Variants in OTOGL observed in about 807,000 individuals in gnomAD.
OTOGL encodes otogelin like.
OTOGL carries 285 observed loss-of-function variants against 318.5 expected under a neutral mutation model. The observed-to-expected ratio is 0.89, with a 90% CI of 0.81 to 0.99. The LOEUF is 0.99. OTOGL is among the 50% of genes least tolerant of loss of function. OTOGL has a pLI of 0.00. For synonymous variants in OTOGL, 987 were observed against 936.5 expected (o/e 1.05, Z -0.99); for missense variants, 2,899 against 2,845.6 (o/e 1.02, Z -0.43).
chr12:80,286,281 TCTA>T (rs1884613631), intron 26 of OTOGL, among the ~76,000 whole-genome samples: 1 of 152,202 alleles, frequency 6.6e-6, no homozygotes, highest in Non-Finnish European at 1.5e-5. Flanking sequence ...TTGCCAGTAT[TCTA>T]CTGAGGATTT....
At chr12:80,312,288 C>G (rs150530520) in intron 30 of OTOGL, among the ~76,000 whole-genome samples, 1 of 152,108 alleles carries the variant, frequency 6.6e-6, no homozygotes, top group South Asian at 2.1e-4. Context: ...GATGAAGAAG[C>G]AGATATGAGA....
rs79194729 is a variant in OTOGL at position 80,231,098 on chromosome 12, G to A, written c.611+1720G>A. 7.0e-3 allele frequency among the ~76,000 whole-genome samples: 1,065 copies of A among 152,102 alleles called. 17 individuals carry two copies. Among genetic ancestry groups the A allele is most frequent in the African/African-American group, 0.025 (1,019 of 41,500 alleles). On this transcript the variant is annotated intron_variant, in intron 8 of 58. Transcript: ENST00000547103. ...TGTCAAATGACCAAGCAAAAAATAC[G>A]CATAATAGTACAACTATACTTCCAT...
chr12:80,365,921 G>T (rs184650292), intron 52 of OTOGL, among the ~76,000 whole-genome samples: 8 of 152,208 alleles, frequency 5.3e-5, no homozygotes, highest in Admixed American at 1.3e-4. Context: ...GTATTTGGTG[G>T]GAAGAATCTT....
In OTOGL at chr12:80,296,534, T is replaced by C. The variant is rs557130756; in HGVS notation, c.2929-293T>C. On this transcript the variant is annotated intron_variant, in intron 26 of 58. Transcript: ENST00000547103. Reference sequence around the variant, plus strand: ...GACATATTGTTTTGTTGATTATTTATTGATAAATAAAATGATAATGGTTGG... The same window carrying C: ...GACATATTGTTTTGTTGATTATTTACTGATAAATAAAATGATAATGGTTGG... 1.5e-4 allele frequency among the ~76,000 whole-genome samples: 23 copies of C among 152,310 alleles called. No individual in the cohort carries two copies. The South Asian group carries it at 3.9e-3, about 26-fold the overall frequency.
At chr12:80,188,574 A>G (rs1051524840) in intron 1 of OTOGL, among the ~76,000 whole-genome samples, 2 of 150,798 alleles carry the variant, frequency 1.3e-5, no homozygotes, top group African/African-American at 2.4e-5. Flanking sequence ...AAATAAATAT[A>G]AAAAGGTGAG....
rs1185137165 is a variant in OTOGL, at chr12:80,209,019, A to G, written c.-19-394A>G. ...GGACAGTAATTATTTTATGAATAAA[A>G]TTCTAAAATGCAAAGATTAGATCAA... On this transcript the variant is annotated intron_variant, in intron 1 of 58. Coordinates refer to ENST00000547103, the MANE Select transcript of OTOGL (RefSeq NM_001378609.3). 2.0e-5 allele frequency among the ~76,000 whole-genome samples: 3 copies of G among 152,212 alleles called. No individual in the cohort carries two copies. The East Asian group carries it at 5.8e-4, about 29-fold the overall frequency.
chr12:80,318,092 T>C (rs1352740600), intron 32 of OTOGL, among the ~76,000 whole-genome samples: 1 of 152,254 alleles, frequency 6.6e-6, no homozygotes, highest in Admixed American at 6.5e-5. Context: ...CCTTCCCCTT[T>C]CCTAATTGGA....
At position 80,162,725 on chromosome 12, in the gene OTOGL, C is replaced by A. The variant is rs143663980; in HGVS notation, c.-19-46688C>A. The stretch of plus-strand genomic sequence containing the variant: ...ACAATCATATTGGATGAGGGCCCAC[C>A]CTCCTGGTCCCATTTTAATTTAATC... On this transcript the variant is annotated intron_variant, in intron 1 of 58. Transcript: ENST00000547103. 6.3e-3 allele frequency among the ~76,000 whole-genome samples: 956 copies of A among 152,134 alleles called. 15 individuals carry two copies. Among genetic ancestry groups the A allele is most frequent in the Non-Finnish European group, 6.0e-3 (410 of 67,984 alleles).
At chr12:80,323,373 G>A (rs1417008518) in intron 34 of OTOGL, among the ~76,000 whole-genome samples, 1 of 152,124 alleles carries the variant, frequency 6.6e-6, no homozygotes, top group Non-Finnish European at 1.5e-5. Context: ...TTTTGGCCAG[G>A]TGCAGTGGCT....
chr12:80,291,406 T>G (rs1885033577), intron 26 of OTOGL, among the ~76,000 whole-genome samples: 1 of 152,210 alleles, frequency 6.6e-6, no homozygotes, highest in South Asian at 2.1e-4. Context: ...TTGGCTTTGT[T>G]GTAACTTTTT....
At chr12:80,371,511 G>C (rs1056794703) in intron 56 of OTOGL, among the ~76,000 whole-genome samples, 2 of 151,964 alleles carry the variant, frequency 1.3e-5, no homozygotes, top group East Asian at 3.9e-4. Context: ...GCAGTTAGTA[G>C]GTTGCTAAAG....
At chr12:80,135,910 A>G (rs1336059574) in intron 1 of OTOGL, among the ~76,000 whole-genome samples, 1 of 152,198 alleles carries the variant, frequency 6.6e-6, no homozygotes, top group African/African-American at 2.4e-5. Flanking sequence ...TGGCCTTTGA[A>G]CTGGGACATT....
rs757774496 is a variant in OTOGL, at chr12:80,279,038, C to T, written c.2800C>T (p.Arg934Ter). ...ATPCYTCVCR[R>*]GMFNCTYYPC... is the part of the protein sequence containing the mutation. ...GTTATTTTTTAATAGCGTTTGTCGACGAGGAATGTTCAATTGCACATATTA... is the reference window on the plus strand; with the variant it reads ...GTTATTTTTTAATAGCGTTTGTCGATGAGGAATGTTCAATTGCACATATTA... The change falls in exon 26 of 59, where the codon CGA (arginine) becomes TGA (stop). Residue 934 changes from arginine (R) to a stop codon, truncating the protein, a stop_gained. Coordinates refer to ENST00000547103, the MANE Select transcript of OTOGL (RefSeq NM_001378609.3). LOFTEE classifies it high-confidence loss of function. 115 of 1,569,748 alleles carry T rather than the reference C, an allele frequency of 7.3e-5. No individual in the cohort carries two copies. Among genetic ancestry groups the T allele is most frequent in the Non-Finnish European group, 9.0e-5 (105 of 1,160,368 alleles).
intron 16 of OTOGL, 100 bp from the exon 17 acceptor site, chr12:80,256,222 GTTCTCTCCTCTCTCT>G (rs1001218666): frequency 8.3e-7 from 1 of 1,205,830 alleles, no homozygotes; most frequent in African/African-American, 1.5e-5. Context: ...TTTCTTTTTT[GTTCTCTCCTCTCTCT>G]TTCTCCCCTT....
intron 1 of OTOGL, among the ~76,000 whole-genome samples, chr12:80,134,518 C>T (rs1221874577): frequency 1.3e-5 from 2 of 152,164 alleles, no homozygotes; most frequent in African/African-American, 4.8e-5. Context: ...TGGTATCCTC[C>T]ACTCACAGTT....
At chr12:80,251,002 TTAG>T (rs1565929665) in intron 11 of OTOGL, among the ~76,000 whole-genome samples, 1 of 152,210 alleles carries the variant, frequency 6.6e-6, no homozygotes, top group Non-Finnish European at 1.5e-5. Flanking sequence ...ATAATTAGCT[TTAG>T]TAATTTAAAC....
rs531761273 is a variant in OTOGL, at chr12:80,149,885, T to C, written c.-20+50280T>C. 1.6e-4 allele frequency among the ~76,000 whole-genome samples: 25 copies of C among 152,250 alleles called. No individual in the cohort carries two copies. The East Asian group carries it at 3.9e-3, about 24-fold the overall frequency. On this transcript the variant is annotated intron_variant, in intron 1 of 58. Transcript: ENST00000547103. ...TCCCTGACCCCTTGCACTTCCCGAGTGAGGCAATGCCTCACCCTGCTTCGG... is the reference window on the plus strand; with the variant it reads ...TCCCTGACCCCTTGCACTTCCCGAGCGAGGCAATGCCTCACCCTGCTTCGG...
At chr12:80,250,845 G>T (rs189309616) in intron 11 of OTOGL, among the ~76,000 whole-genome samples, 62 of 152,228 alleles carry the variant, frequency 4.1e-4, no homozygotes, top group Middle Eastern at 6.8e-3. Context: ...CCTCTACCTT[G>T]GTGTAAATCT....
chr12:80,138,114 A>G (rs1248533265), intron 1 of OTOGL, among the ~76,000 whole-genome samples: 2 of 152,150 alleles, frequency 1.3e-5, no homozygotes, highest in Non-Finnish European at 2.9e-5. Flanking sequence ...CACACATGCA[A>G]TTATACAGAT....
Sources: gnomAD v4.1 joint callset for allele counts (sites outside exome capture counted in the v4.1 genomes callset) on GRCh38, gnomAD v4.1.1 for gene constraint, MANE v1.5 for transcripts, NCBI Gene and HGNC (gene_info 2026-07-23, HGNC 2026-07-21) for gene names.